The following CACNA1C variants were observed in gnomAD, a reference collection of about 807,000 sequenced individuals.
The protein encoded by CACNA1C is voltage-dependent L-type calcium channel subunit alpha-1C.
A neutral mutation model predicts 229.0 loss-of-function variants in CACNA1C; 30 were observed. That is an observed-to-expected ratio of 0.13 (90% CI 0.10 to 0.18). The LOEUF (loss-of-function observed/expected upper bound fraction) is 0.18. Ranked by LOEUF, CACNA1C falls within the 10% of genes least tolerant of loss-of-function variation. The pLI, the probability that CACNA1C is intolerant of heterozygous loss-of-function variation, is 1.00. For missense variants in CACNA1C, 1,658 were observed against 2,845.0 expected, an observed-to-expected ratio of 0.58 and a Z score of 9.49; for synonymous variants, 1,114 against 1,132.5, an observed-to-expected ratio of 0.98 and a Z score of 0.33.
intron 3 of CACNA1C, among the ~76,000 whole-genome samples, chr12:2,216,386 C>T (rs140260927): frequency 3.9e-5 from 6 of 152,230 alleles, no homozygotes; most frequent in African/African-American, 1.2e-4. Context: ...GAAGCAGGCA[C>T]GCAGTCCACA....
At chr12:2,305,082 G>T (rs985011401) in intron 3 of CACNA1C, among the ~76,000 whole-genome samples, 3 of 152,154 alleles carry the variant, frequency 2.0e-5, no homozygotes, top group Non-Finnish European at 4.4e-5. Flanking sequence ...AGACTCCTTG[G>T]CAGGGGCTCT....
chr12:2,424,310 A>G (rs372942357), intron 3 of CACNA1C, among the ~76,000 whole-genome samples: 16 of 152,314 alleles, frequency 1.1e-4, no homozygotes, highest in African/African-American at 3.4e-4. Flanking sequence ...TGAGAGGTCC[A>G]GAGAAGAGGC....
chr12:1,986,366 C>T (rs937630142), intron 1 of CACNA1C, among the ~76,000 whole-genome samples: 1 of 152,174 alleles, frequency 6.6e-6, no homozygotes, highest in African/African-American at 2.4e-5. Flanking sequence ...CCCCAGTCTT[C>T]CGACTACAAA....
In CACNA1C at chr12:2,348,147, G is replaced by A. The variant is rs930502129; in HGVS notation, c.478-100829G>A. On this transcript the variant is annotated intron_variant, in intron 3 of 46. Coordinates refer to ENST00000399655, the MANE Select transcript of CACNA1C (RefSeq NM_000719.7). This position sits in a 1 kb window ranked among gnomAD's most constrained non-coding sequence, Gnocchi z 4.7. Reference sequence around the variant, plus strand: ...CCTCCTGCCTGCTGCAGGAGTGGGAGCGTGGGGCTAGCTGCCAGTGGGATG... The same window carrying A: ...CCTCCTGCCTGCTGCAGGAGTGGGAACGTGGGGCTAGCTGCCAGTGGGATG... Among the ~76,000 whole-genome samples the A allele has an allele frequency of 2.0e-5, 3 of 152,236 alleles. No homozygotes were observed. Among genetic ancestry groups the A allele is most frequent in the African/African-American group, 7.2e-5 (3 of 41,472 alleles).
intron 1 of CACNA1C, among the ~76,000 whole-genome samples, chr12:1,999,727 T>C (rs888183197): frequency 4.6e-5 from 7 of 152,088 alleles, no homozygotes; most frequent in African/African-American, 1.7e-4. Context: ...CCCTGTTTCT[T>C]ATAAATAAAT....
intron 3 of CACNA1C, among the ~76,000 whole-genome samples, chr12:2,212,940 T>G (rs1185220943): frequency 1.3e-5 from 2 of 152,206 alleles, no homozygotes; most frequent in Non-Finnish European, 2.9e-5. Flanking sequence ...TTGGAGATAT[T>G]AACACATTGC....
intron 5 of CACNA1C, among the ~76,000 whole-genome samples, chr12:2,468,586 G>A (rs1301205682): frequency 6.6e-6 from 1 of 152,230 alleles, no homozygotes; most frequent in Admixed American, 6.5e-5. Context: ...GAGCCGAGGG[G>A]AATCACATTG....
intron 3 of CACNA1C, among the ~76,000 whole-genome samples, chr12:2,273,200 C>T (rs1409768809): frequency 2.0e-5 from 3 of 152,232 alleles, no homozygotes; most frequent in African/African-American, 7.2e-5. Context: ...CTCTTGTGTA[C>T]CTTAAATCAT....
chr12:2,323,266 T>A (rs1189816950), intron 3 of CACNA1C, among the ~76,000 whole-genome samples: 1 of 152,160 alleles, frequency 6.6e-6, no homozygotes, highest in Non-Finnish European at 1.5e-5. Flanking sequence ...AAGCTCACAA[T>A]CCAGAAAATA....
chr12:2,615,035 G>A (rs930603761), intron 29 of CACNA1C: 4 of 151,926 alleles, frequency 2.6e-5, no homozygotes, highest in Admixed American at 6.6e-5. Flanking sequence ...AGATTGAGTC[G>A]GTCCCTGACA....
chr12:2,674,808 G>A (rs1305205967), intron 39 of CACNA1C, among the ~76,000 whole-genome samples, 166 bp downstream of exon 39: 1 of 152,164 alleles, frequency 6.6e-6, no homozygotes, highest in Non-Finnish European at 1.5e-5. Context: ...CCTTCCTGTG[G>A]GGCTCAGAGG....
intron 3 of CACNA1C, among the ~76,000 whole-genome samples, chr12:2,329,448 C>T (rs1434542031): frequency 1.3e-5 from 2 of 152,164 alleles, no homozygotes; most frequent in Admixed American, 6.5e-5. Flanking sequence ...AGTGTCAGTG[C>T]ACCACCAGCC....
rs2096702008 is a variant in CACNA1C at position 2,336,529 on chromosome 12, CA to C, written c.478-112446del. Among the ~76,000 whole-genome samples the C allele has an allele frequency of 2.0e-5, 3 of 152,278 alleles. No individual in the cohort carries two copies. The South Asian group carries it at 6.2e-4, about 32-fold the overall frequency. On this transcript the variant is annotated intron_variant, in intron 3 of 46. Transcript: ENST00000399655. Reference sequence around the variant, plus strand: ...GCTGCCCAGAGATATGTGACTCAGACAGGCAGGAATAGTCTGTTCACCATGA... The same window carrying C: ...GCTGCCCAGAGATATGTGACTCAGACGGCAGGAATAGTCTGTTCACCATGA...
intron 3 of CACNA1C, among the ~76,000 whole-genome samples, chr12:2,405,759 T>C (rs1204944202): frequency 6.6e-6 from 1 of 152,230 alleles, no homozygotes; most frequent in Non-Finnish European, 1.5e-5. Context: ...GAGAAATGCA[T>C]GTGTTACGAT....
At chr12:2,012,613 A>T (rs1457174471) in intron 1 of CACNA1C, among the ~76,000 whole-genome samples, 1 of 152,246 alleles carries the variant, frequency 6.6e-6, no homozygotes, top group Admixed American at 6.5e-5. Flanking sequence ...TACACAATAG[A>T]TTGGAAGCCC....
intron 3 of CACNA1C, among the ~76,000 whole-genome samples, chr12:2,431,275 G>C (rs1189535066): frequency 2.0e-5 from 3 of 152,146 alleles, no homozygotes; most frequent in Admixed American, 6.5e-5. Context: ...GGTAGTTGTA[G>C]GAGAACCGAA....
In CACNA1C at chr12:2,653,750, A is replaced by G. The variant is rs1047405807; in HGVS notation, c.4075-85A>G. On this transcript the variant is annotated intron_variant, in intron 32 of 46. Coordinates refer to ENST00000399655, the MANE Select transcript of CACNA1C (RefSeq NM_000719.7). This position sits in a 1 kb window ranked among gnomAD's most constrained non-coding sequence, Gnocchi z 4.7. Reference sequence around the variant, plus strand: ...ACCGGGCAATAGCTGATGGCTGCAGAGACAGGGATGCGGCGCTCCCTGGGA... The same window carrying G: ...ACCGGGCAATAGCTGATGGCTGCAGGGACAGGGATGCGGCGCTCCCTGGGA... 8.7e-7 allele frequency: 1 copy of G among 1,147,346 alleles called. No homozygotes were observed. Among genetic ancestry groups the G allele is most frequent in the Non-Finnish European group, 1.3e-6 (1 of 767,480 alleles). The allele number at this position is 1,147,346 out of a possible 1,614,324, so 71.1% of individuals were successfully genotyped here.
Position 2,653,764 on chromosome 12 carries a change from C to T in CACNA1C, c.4075-71C>T, listed in dbSNP as rs1038102094. 3.9e-5 allele frequency: 51 copies of T among 1,319,908 alleles called. No homozygotes were observed. The highest frequency in any genetic ancestry group is 2.0e-4 in the African/African-American group (14 of 69,252). The allele number at this position is 1,319,908 out of a possible 1,614,324, so 81.8% of individuals were successfully genotyped here. A position where few individuals can be genotyped will look rare whatever the true frequency, so the allele number is the denominator to read the frequency against. On this transcript the variant is annotated intron_variant, in intron 32 of 46. Coordinates refer to ENST00000399655, the MANE Select transcript of CACNA1C (RefSeq NM_000719.7). The surrounding 1 kb of genome is among the most constrained non-coding windows in gnomAD (Gnocchi z 4.7). The stretch of plus-strand genomic sequence containing the variant: ...GATGGCTGCAGAGACAGGGATGCGG[C>T]GCTCCCTGGGAAGGGGCCCAGCTGG...
intron 6 of CACNA1C, among the ~76,000 whole-genome samples, chr12:2,487,750 G>C (rs1312827721): frequency 6.6e-6 from 1 of 152,038 alleles, no homozygotes; most frequent in African/African-American, 2.4e-5. Flanking sequence ...CTAAAATTCT[G>C]AGACTTTTTA....
Sources: allele counts gnomAD v4.1 joint callset (sites outside exome capture counted in the v4.1 genomes callset), GRCh38; gene constraint gnomAD v4.1.1; non-coding constraint Gnocchi (gnomAD v3.1); transcripts MANE v1.5; gene names NCBI Gene and HGNC (gene_info 2026-07-23, HGNC 2026-07-21).